Variants in DYSF observed in about 807,000 individuals in gnomAD.
DYSF encodes dysferlin.
Under a neutral mutation model 274.9 loss-of-function variants are expected in DYSF, and 212 were observed. The observed-to-expected ratio is 0.77, with a 90% confidence interval of 0.69 to 0.86. The LOEUF is 0.86. Among genes scored for constraint, DYSF ranks in the 40% least tolerant of loss-of-function variants. The pLI is 0.00. For missense variants in DYSF, 2,666 were observed against 2,783.2 expected, an observed-to-expected ratio of 0.96 and a Z score of 0.95; for synonymous variants, 1,091 against 1,078.7, an observed-to-expected ratio of 1.01 and a Z score of -0.22.
chr2:71,657,592 A>G (rs868423676), intron 43 of DYSF, among the ~76,000 whole-genome samples: 1 of 152,162 alleles, frequency 6.6e-6, no homozygotes, highest in African/African-American at 2.4e-5. Flanking sequence ...AGGTGTTTCC[A>G]TACCTCTTCT....
At chr2:71,536,174 G>A (rs1051129981) in intron 16 of DYSF, among the ~76,000 whole-genome samples, 1 of 152,216 alleles carries the variant, frequency 6.6e-6, no homozygotes, top group Non-Finnish European at 1.5e-5. Context: ...TTCCCAAAAA[G>A]AGAGAGTTGT....
intron 1 of DYSF, among the ~76,000 whole-genome samples, chr2:71,472,199 G>C (rs567965444): frequency 1.3e-5 from 2 of 151,940 alleles, no homozygotes; most frequent in Non-Finnish European, 2.9e-5. Context: ...CTACATCTTT[G>C]GCCACATATT....
At chr2:71,577,483 A>G (rs995560481) in intron 30 of DYSF, among the ~76,000 whole-genome samples, 8 of 148,352 alleles carry the variant, frequency 5.4e-5, no homozygotes, top group Non-Finnish European at 1.2e-4. Context: ...ACACACTCCC[A>G]TATATACCAA....
chr2:71,605,620 G>T (rs1026399780), intron 36 of DYSF, among the ~76,000 whole-genome samples: 2 of 152,114 alleles, frequency 1.3e-5, no homozygotes, highest in Non-Finnish European at 2.9e-5. Flanking sequence ...GGGAGGGATC[G>T]TATGCTTTGT....
chr2:71,546,518 A>C (rs1160435136), intron 17 of DYSF, among the ~76,000 whole-genome samples: 1 of 152,206 alleles, frequency 6.6e-6, no homozygotes, highest in Non-Finnish European at 1.5e-5. Flanking sequence ...TGTTCCTTGG[A>C]CCCTGTGCTC....
intron 3 of DYSF, among the ~76,000 whole-genome samples, chr2:71,484,702 T>C (rs977125799): frequency 6.6e-6 from 1 of 152,186 alleles, no homozygotes; most frequent in Admixed American, 6.5e-5. Flanking sequence ...TTCTACTCTA[T>C]CTCCGGAAGT....
At chr2:71,477,316 G>A (rs1236240564) in intron 1 of DYSF, among the ~76,000 whole-genome samples, 3 of 152,238 alleles carry the variant, frequency 2.0e-5, no homozygotes, top group Non-Finnish European at 2.9e-5. Context: ...CCAGCACATA[G>A]GTTGCATGTT....
chr2:71,603,767 C>T (rs771537346), intron 36 of DYSF, among the ~76,000 whole-genome samples: 16 of 152,264 alleles, frequency 1.1e-4, no homozygotes, highest in Admixed American at 4.6e-4. Context: ...GGAAGCAGCA[C>T]GGAGCCCTCT....
At chr2:71,678,191 A>G (rs1281643975) in intron 52 of DYSF, among the ~76,000 whole-genome samples, 2 of 152,232 alleles carry the variant, frequency 1.3e-5, no homozygotes, top group African/African-American at 2.4e-5. Flanking sequence ...TATGCATGAA[A>G]CAAAGTTTAA....
upstream of DYSF, among the ~76,000 whole-genome samples, chr2:71,466,498 G>A (rs758459921): frequency 2.4e-4 from 37 of 152,164 alleles, no homozygotes; most frequent in Non-Finnish European, 4.6e-4. Context: ...GCCGAGCTGC[G>A]CGCCCGCGTC....
chr2:71,616,979 G>A (rs1398276292), intron 40 of DYSF, among the ~76,000 whole-genome samples: 1 of 152,098 alleles, frequency 6.6e-6, no homozygotes. Flanking sequence ...GAAAAACAGT[G>A]TTCAGGAACA....
chr2:71,604,444 C>T (rs992949250), intron 36 of DYSF, among the ~76,000 whole-genome samples: 5 of 152,188 alleles, frequency 3.3e-5, no homozygotes, highest in African/African-American at 1.2e-4. Context: ...CTGGCCCGAT[C>T]CCTGTGAAGA....
chr2:71,467,747 A>G (rs1301299116), intron 1 of DYSF, among the ~76,000 whole-genome samples: 3 of 152,146 alleles, frequency 2.0e-5, no homozygotes, highest in African/African-American at 7.2e-5. Flanking sequence ...ATAAATCAGG[A>G]GAGGAAAGAG....
intron 3 of DYSF, among the ~76,000 whole-genome samples, chr2:71,500,564 C>A (rs931675635): frequency 6.6e-6 from 1 of 152,134 alleles, no homozygotes; most frequent in African/African-American, 2.4e-5. Flanking sequence ...GGGGGTGCTA[C>A]TTCCTTCTGC....
chr2:71,604,427 C>T (rs1394467822), intron 36 of DYSF, among the ~76,000 whole-genome samples: 1 of 152,214 alleles, frequency 6.6e-6, no homozygotes, highest in Non-Finnish European at 1.5e-5. Context: ...TGGCTGCTCC[C>T]AGGCTCCTGG....
At position 71,553,069 on chromosome 2, in the gene DYSF, T is replaced by C. The variant is rs935911724; in HGVS notation, c.1865T>C (p.Leu622Pro). ...LFAAFYSATM[L>P]QDVDDAIQFE... ...GCGGCCTTCTACTCAGCCACCATGC[T>C]GCAGGATGTGGATGATGCCATCCAG... Residue 622 changes from leucine to proline, a missense_variant, in exon 20 of 56, where the codon CTG becomes CCG. Coordinates refer to ENST00000410020, the MANE Select transcript of DYSF (RefSeq NM_001130987.2). The C allele has an allele frequency of 6.2e-7, 1 of 1,614,084 alleles. No individual in the cohort carries two copies. The highest frequency in any genetic ancestry group is 8.5e-7 in the Non-Finnish European group (1 of 1,180,038).
At chr2:71,514,655 T>A (rs2086468657) in intron 7 of DYSF, among the ~76,000 whole-genome samples, 1 of 152,198 alleles carries the variant, frequency 6.6e-6, no homozygotes, top group South Asian at 2.1e-4. Context: ...CAACTACTTT[T>A]AAGGTTAAAA....
At chr2:71,549,380 AAGCCTC>A in intron 17 of DYSF, 1 of 1,612,446 alleles carries the variant, frequency 6.2e-7, no homozygotes, top group South Asian at 1.1e-5. Flanking sequence ...AAGCCTTCGA[AAGCCTC>A]AGACTGTACG....
chr2:71,618,421 G>T (rs1312207716), intron 40 of DYSF, among the ~76,000 whole-genome samples: 1 of 142,960 alleles, frequency 7.0e-6, no homozygotes, highest in Admixed American at 7.0e-5. Context: ...TGGTGTGTGT[G>T]TGGTAGAGGT....
Sources: allele counts gnomAD v4.1 joint callset (sites outside exome capture counted in the v4.1 genomes callset), GRCh38; gene constraint gnomAD v4.1.1; transcripts MANE v1.5; gene names NCBI Gene and HGNC (gene_info 2026-07-23, HGNC 2026-07-21).